ZHX3: variants seen among roughly 807,000 people sequenced by gnomAD.
The protein encoded by ZHX3 is zinc fingers and homeoboxes protein 3.
In ZHX3, 20 loss-of-function variants were observed where a neutral mutation model predicts 64.5. That is an observed-to-expected ratio of 0.31 (90% CI 0.22 to 0.45). The LOEUF (loss-of-function observed/expected upper bound fraction) is 0.45. ZHX3 is among the 20% of genes least tolerant of loss of function. The pLI, the probability that ZHX3 is intolerant of heterozygous loss-of-function variation, is 1.00. For missense variants in ZHX3, 1,041 were observed against 1,195.8 expected (o/e 0.87, Z 1.91); for synonymous variants, 423 against 461.6 (o/e 0.92, Z 1.07).
chr20:41,308,338 G>A (rs752826216), intron 1 of ZHX3, among the ~76,000 whole-genome samples: 2 of 152,172 alleles, frequency 1.3e-5, no homozygotes, highest in Non-Finnish European at 2.9e-5. Flanking sequence ...CTGAGGAGAG[G>A]AGACAGTGAC....
intron 2 of ZHX3, among the ~76,000 whole-genome samples, chr20:41,236,847 A>T (rs2041032532): frequency 6.6e-6 from 1 of 152,226 alleles, no homozygotes; most frequent in Non-Finnish European, 1.5e-5. Context: ...GAATGGGAGA[A>T]AATTTTTGCA....
intron 2 of ZHX3, among the ~76,000 whole-genome samples, chr20:41,238,027 T>C (rs890925041): frequency 3.3e-5 from 5 of 152,224 alleles, no homozygotes; most frequent in Non-Finnish European, 7.3e-5. Flanking sequence ...TCAGCTACAC[T>C]AATGGCAATG....
At position 41,195,276 on chromosome 20, in the gene ZHX3, T is replaced by G. The variant is rs1162014455; in HGVS notation, c.2860+6781A>C. ...CACTACAGGAACATGCCACCACACCTGGCTTATTTTTTACTTTTTTGTAGA... is the reference window on the plus strand; with the variant it reads ...CACTACAGGAACATGCCACCACACCGGGCTTATTTTTTACTTTTTTGTAGA... On this transcript the variant is annotated intron_variant, in intron 3 of 3. Transcript: ENST00000683867. The surrounding 1 kb of genome is among the most constrained non-coding windows in gnomAD (Gnocchi z 4.2). Among the ~76,000 whole-genome samples the G allele has an allele frequency of 6.6e-6, 1 of 152,066 alleles. No homozygotes were observed. The highest frequency in any genetic ancestry group is 6.6e-5 in the Admixed American group (1 of 15,266).
At chr20:41,214,430 C>T (rs959621715) in intron 2 of ZHX3, among the ~76,000 whole-genome samples, 2 of 152,196 alleles carry the variant, frequency 1.3e-5, no homozygotes, top group Non-Finnish European at 2.9e-5. Context: ...CAAGCAGTCT[C>T]GCTCCAGAGC....
chr20:41,257,286 G>GT (rs1414846683), intron 2 of ZHX3, among the ~76,000 whole-genome samples: 1 of 152,152 alleles, frequency 6.6e-6, no homozygotes, highest in African/African-American at 2.4e-5. Context: ...CTTTTTTCCA[G>GT]TAAGTGCAGT....
intron 1 of ZHX3, among the ~76,000 whole-genome samples, chr20:41,295,088 C>T (rs1447166193): frequency 6.6e-6 from 1 of 152,154 alleles, no homozygotes; most frequent in East Asian, 1.9e-4. Context: ...TACTATATTT[C>T]CAGTTCCTTG....
intron 2 of ZHX3, among the ~76,000 whole-genome samples, chr20:41,207,539 C>G (rs1203903471): frequency 6.6e-6 from 1 of 152,222 alleles, no homozygotes; most frequent in East Asian, 1.9e-4. Context: ...GATTAAGAAA[C>G]TCACTCAAAA....
chr20:41,206,737 C>A (rs1216557215), intron 2 of ZHX3, among the ~76,000 whole-genome samples: 1 of 152,150 alleles, frequency 6.6e-6, no homozygotes, highest in Non-Finnish European at 1.5e-5. Context: ...AGGATATTAT[C>A]CAGGAGAACT....
Position 41,202,392 on chromosome 20 carries a change from A to G in ZHX3, c.2525T>C (p.Ile842Thr), listed in dbSNP as rs1245276527. Residue 842 changes from isoleucine (I) to threonine (T), a missense_variant, in exon 3 of 4, where the codon ATT (isoleucine) becomes ACT (threonine). Physicochemically the swap from Ile to Thr is moderately conservative, Grantham distance 89. Transcript: ENST00000683867. The surrounding 1 kb of genome is among the most constrained non-coding windows in gnomAD (Gnocchi z 7.0). The stretch of plus-strand genomic sequence containing the variant: ...CAGGAGCTCCCGGTTGCCAGGGGCA[A>G]TGACCAGTAGCCCTGGTGGGAAGTT... Reference protein sequence around the residue: ...RGNFPPGLLVIAPGNRELLQD... With the variant: ...RGNFPPGLLVTAPGNRELLQD... 37 of 1,614,074 alleles carry G rather than the reference A, an allele frequency of 2.3e-5. No individual in the cohort carries two copies. In the Admixed American group the frequency reaches 4.5e-4, roughly 20 times the overall value.
intron 2 of ZHX3, among the ~76,000 whole-genome samples, chr20:41,236,006 G>A (rs970533316): frequency 3.7e-4 from 56 of 152,292 alleles, no homozygotes; most frequent in African/African-American, 1.3e-3. Flanking sequence ...AATCATGAGT[G>A]AACTCCCATT....
chr20:41,204,592 A>G lies in ZHX3; in HGVS notation c.325T>C (p.Phe109Leu). 6.2e-7 allele frequency: 1 copy of G among 1,614,212 alleles called. No homozygotes were observed. Among genetic ancestry groups the G allele is most frequent in the Non-Finnish European group, 8.5e-7 (1 of 1,180,036 alleles). The change falls in exon 3 of 4, where the codon TTT (phenylalanine) becomes CTT (leucine). Residue 109 changes from phenylalanine (F) to leucine (L), a missense_variant. Coordinates refer to ENST00000683867, the MANE Select transcript of ZHX3 (RefSeq NM_001384317.1). This position sits in a 1 kb window ranked among gnomAD's most constrained non-coding sequence, Gnocchi z 6.6. ...AGAAAACTGCACCCACTGCATACAA[A>G]GGTTGGGTCTTTATTAAAGTCTGTG... The part of the protein sequence containing the change: ...EHTDFNKDPT[F>L]VCSGCSFLAK...
rs1180912694 is a variant in ZHX3, at chr20:41,179,636, T to G, written c.*5555A>C. On this transcript the variant is annotated 3_prime_UTR_variant, in exon 4 of 4. Coordinates refer to ENST00000683867, the MANE Select transcript of ZHX3 (RefSeq NM_001384317.1). This position sits in a 1 kb window ranked among gnomAD's most constrained non-coding sequence, Gnocchi z 4.3. ...TTTAACTCCAGTCACATTAAGTTTTTTTTTTTTTTTTGAGACGGAGTTTCG... is the reference window on the plus strand; with the variant it reads ...TTTAACTCCAGTCACATTAAGTTTTGTTTTTTTTTTTGAGACGGAGTTTCG... 1.3e-5 allele frequency: 2 copies of G among 151,926 alleles called. No homozygotes were observed. The highest frequency in any genetic ancestry group is 2.9e-5 in the Non-Finnish European group (2 of 67,982). 9.4% of individuals were successfully genotyped at this position (151,926 alleles called of 1,614,324 possible).
rs758030114 is a variant in ZHX3, at chr20:41,203,715, T to C, written c.1202A>G (p.Asn401Ser). 1 of 1,614,146 alleles carries C rather than the reference T, an allele frequency of 6.2e-7. No individual in the cohort carries two copies. Among genetic ancestry groups the C allele is most frequent in the Non-Finnish European group, 8.5e-7 (1 of 1,180,002 alleles). The change falls in exon 3 of 4, where the codon AAT (asparagine) becomes AGT (serine). Residue 401 changes from asparagine to serine, a missense_variant. Coordinates refer to ENST00000683867, the MANE Select transcript of ZHX3 (RefSeq NM_001384317.1). This position sits in a 1 kb window ranked among gnomAD's most constrained non-coding sequence, Gnocchi z 7.1. Reference protein sequence around the residue: ...LNTPLVASAGNVQHLIQAALP... With the variant: ...LNTPLVASAGSVQHLIQAALP... The stretch of plus-strand genomic sequence containing the variant: ...AGCGGCCTGGATGAGATGCTGGACA[T>C]TGCCAGCACTGGCGACGAGTGGGGT...
At chr20:41,208,669 T>C (rs1242684032) in intron 2 of ZHX3, among the ~76,000 whole-genome samples, 1 of 152,048 alleles carries the variant, frequency 6.6e-6, no homozygotes, top group Non-Finnish European at 1.5e-5. Context: ...TCTCAATAAA[T>C]TAGGTATTGA....
rs900535296 is a variant in ZHX3 at position 41,226,767 on chromosome 20, G to C, written c.-150-21701C>G. Among the ~76,000 whole-genome samples the C allele has an allele frequency of 6.6e-6, 1 of 152,126 alleles. No individual in the cohort carries two copies. Among genetic ancestry groups the C allele is most frequent in the Non-Finnish European group, 1.5e-5 (1 of 68,016 alleles). ...TAAAATTTATTTTACTTGTCCAAAAGGGAAGGAAGCTATTATACCTTTCCT... is the reference window on the plus strand; with the variant it reads ...TAAAATTTATTTTACTTGTCCAAAACGGAAGGAAGCTATTATACCTTTCCT... On this transcript the variant is annotated intron_variant, in intron 2 of 3. Coordinates refer to ENST00000683867, the MANE Select transcript of ZHX3 (RefSeq NM_001384317.1). The surrounding 1 kb of genome is among the most constrained non-coding windows in gnomAD (Gnocchi z 4.4).
chr20:41,197,361 A>T (rs2037820219), intron 3 of ZHX3, among the ~76,000 whole-genome samples: 2 of 146,750 alleles, frequency 1.4e-5, no homozygotes, highest in South Asian at 2.1e-4. Flanking sequence ...TTTAAAATAT[A>T]TATTTTATAT....
At chr20:41,209,508 T>C (rs1401634134) in intron 2 of ZHX3, among the ~76,000 whole-genome samples, 2 of 152,084 alleles carry the variant, frequency 1.3e-5, no homozygotes, top group South Asian at 2.1e-4. Flanking sequence ...TGTAGACCAA[T>C]GGAACAGAAC....
chr20:41,198,823 TATGAATATACTA>T (rs1469380214), intron 3 of ZHX3, among the ~76,000 whole-genome samples: 1 of 152,124 alleles, frequency 6.6e-6, no homozygotes, highest in Non-Finnish European at 1.5e-5. Context: ...AGTATATGAG[TATGAATATACTA>T]ATGAATATAA....
chr20:41,184,012 T>A lies in ZHX3; in HGVS notation c.*1179A>T, dbSNP rs2036338220. ...GATGCCCAGCACCCTTGGGCATGCA[T>A]CCAGCACACCGGCCAGACCCTGGGG... is the stretch of plus-strand genomic sequence containing the variant. On this transcript the variant is annotated 3_prime_UTR_variant, in exon 4 of 4. Coordinates refer to ENST00000683867, the MANE Select transcript of ZHX3 (RefSeq NM_001384317.1). The A allele has an allele frequency of 6.6e-6, 1 of 152,214 alleles. No individual in the cohort carries two copies. Among genetic ancestry groups the A allele is most frequent in the African/African-American group, 2.4e-5 (1 of 41,446 alleles). 9.4% of individuals were successfully genotyped at this position (152,214 alleles called of 1,614,324 possible). A position where few individuals can be genotyped will look rare whatever the true frequency, so the allele number is the denominator to read the frequency against.
Sources: gnomAD v4.1 joint callset for allele counts (sites outside exome capture counted in the v4.1 genomes callset) on GRCh38, gnomAD v4.1.1 for gene constraint, Gnocchi (gnomAD v3.1) non-coding constraint, MANE v1.5 for transcripts, NCBI Gene and HGNC (gene_info 2026-07-23, HGNC 2026-07-21) for gene names.